MOSPD1: variants seen among roughly 807,000 people sequenced by gnomAD.
MOSPD1 encodes motile sperm domain-containing protein 1.
In MOSPD1, 5 loss-of-function variants were observed where a neutral mutation model predicts 16.7. That is an observed-to-expected ratio of 0.30 (90% CI 0.16 to 0.63). The LOEUF (loss-of-function observed/expected upper bound fraction) is 0.63, where lower values mean the gene tolerates loss of function less well. MOSPD1 is among the 30% of genes least tolerant of loss of function. MOSPD1 has a pLI of 0.82. For missense variants in MOSPD1, 104 were observed against 153.6 expected (o/e 0.68, Z 1.71); for synonymous variants, 67 against 59.2 (o/e 1.13, Z -0.61).
chrX:134,890,170 G>T (rs2082855617), intron 5 of MOSPD1, among the ~76,000 whole-genome samples: 1 of 110,361 alleles, frequency 9.1e-6, no homozygotes, highest in South Asian at 3.9e-4. Flanking sequence ...TAAGGGCCTG[G>T]AGAACCGGGC....
In MOSPD1 at chrX:134,895,629, CA is replaced by C. The variant is rs778064645; in HGVS notation, c.448+1187del. ...ATTTTAAAAAGGGAATCTTGCATTT[CA>C]TAACTATGTTAACTTTACAATATTG... is the stretch of plus-strand genomic sequence containing the variant. On this transcript the variant is annotated intron_variant, in intron 4 of 5. Coordinates refer to ENST00000370783, the MANE Select transcript of MOSPD1 (RefSeq NM_019556.3). Among the ~76,000 whole-genome samples the C allele has an allele frequency of 3.6e-5, 4 of 111,585 alleles. No individual in the cohort carries two copies. The East Asian group carries it at 8.6e-4, about 24-fold the overall frequency.
chrX:134,896,557 A>G (rs1185685125), intron 4 of MOSPD1, among the ~76,000 whole-genome samples: 2 of 111,678 alleles, frequency 1.8e-5, no homozygotes, highest in Non-Finnish European at 3.8e-5. Context: ...GTTTAAATAC[A>G]GATATATTTA....
chrX:134,910,271 G>A (rs1407822507), intron 1 of MOSPD1, among the ~76,000 whole-genome samples: 2 of 110,971 alleles, frequency 1.8e-5, no homozygotes, highest in African/African-American at 6.6e-5. Flanking sequence ...TGGGCATGGT[G>A]GCGGGCGCCT....
chrX:134,897,140 C>A, intron 3 of MOSPD1, 106 bp from the exon 4 acceptor site: 1 of 499,430 alleles, frequency 2.0e-6, no homozygotes, highest in Non-Finnish European at 3.2e-6. Context: ...TGACTACAAC[C>A]AAATACTCAA....
intron 1 of MOSPD1, among the ~76,000 whole-genome samples, chrX:134,908,261 A>G (rs750475509): frequency 3.6e-5 from 4 of 111,977 alleles, no homozygotes; most frequent in African/African-American, 6.5e-5. Flanking sequence ...ATGTCTACTA[A>G]TAACTGTCTC....
chrX:134,897,205 G>A (rs1336292826), intron 3 of MOSPD1, among the ~76,000 whole-genome samples, 171 bp from the exon 4 acceptor site: 1 of 111,323 alleles, frequency 9.0e-6, no homozygotes, highest in African/African-American at 3.3e-5. Context: ...AAAGAAATGA[G>A]TAATTCGGAA....
chrX:134,910,404 C>CA (rs778722230), intron 1 of MOSPD1, among the ~76,000 whole-genome samples: 376 of 97,552 alleles, frequency 3.9e-3, no homozygotes, highest in African/African-American at 0.011. Context: ...GACTCTGTCT[C>CA]AAAAAAAAAA....
At chrX:134,908,305 C>T (rs932695146) in intron 1 of MOSPD1, among the ~76,000 whole-genome samples, 4 of 111,725 alleles carry the variant, frequency 3.6e-5, no homozygotes, top group Non-Finnish European at 7.5e-5. Flanking sequence ...ACCACTCACC[C>T]GTCATAGCTG....
At chrX:134,892,304 C>T (rs775893954) in intron 4 of MOSPD1, among the ~76,000 whole-genome samples, 2 of 112,339 alleles carry the variant, frequency 1.8e-5, no homozygotes, top group Admixed American at 9.5e-5. Flanking sequence ...CTGGCAAATA[C>T]GCTAAGAGAA....
At chrX:134,889,497 T>C (rs1380166439) in intron 5 of MOSPD1, among the ~76,000 whole-genome samples, 2 of 112,156 alleles carry the variant, frequency 1.8e-5, no homozygotes, top group African/African-American at 3.2e-5. Context: ...ATGTGCCATT[T>C]TGAAGCATGG....
chrX:134,900,793 C>T (rs2082908129), intron 1 of MOSPD1, among the ~76,000 whole-genome samples: 1 of 109,831 alleles, frequency 9.1e-6, no homozygotes, highest in African/African-American at 3.3e-5. Flanking sequence ...GATTTGAACT[C>T]CTGGCCTCAA....
chrX:134,895,640 T>G (rs1184522410), intron 4 of MOSPD1, among the ~76,000 whole-genome samples: 1 of 111,869 alleles, frequency 8.9e-6, no homozygotes, highest in Non-Finnish European at 1.9e-5. Flanking sequence ...ATAACTATGT[T>G]AACTTTACAA....
At chrX:134,900,841 T>G (rs776651198) in intron 1 of MOSPD1, among the ~76,000 whole-genome samples, 1 of 110,734 alleles carries the variant, frequency 9.0e-6, no homozygotes, top group Non-Finnish European at 1.9e-5. Context: ...TAGCTGGGAC[T>G]GCAGGCGTGC....
intron 4 of MOSPD1, among the ~76,000 whole-genome samples, chrX:134,892,853 T>C (rs1345857467): frequency 9.0e-5 from 10 of 111,325 alleles, no homozygotes; most frequent in Non-Finnish European, 5.7e-5. Context: ...GACTGCACCA[T>C]TGTACTTCAG....
At position 134,896,964 on chromosome X, in the gene MOSPD1, C is replaced by T. The variant is rs768248065; in HGVS notation, c.301G>A (p.Glu101Lys). Reference sequence around the variant, plus strand: ...CCCAAAGCCTTCCTTTGGCTTTGCTCGGAAACTTGGAGACGGAATTTGTCT... The same window carrying T: ...CCCAAAGCCTTCCTTTGGCTTTGCTTGGAAACTTGGAGACGGAATTTGTCT... ...VIDKFRLQVS[E>K]QSQRKALGRK... The change falls in exon 4 of 6, where the codon GAG becomes AAG. Residue 101 changes from glutamate to lysine, a missense_variant. Glu to Lys is a moderately conservative substitution (Grantham distance 56). Around this residue, in one of 3 missense-constraint regions of MOSPD1, gnomAD observed 68 missense variants for 73.1 expected, o/e 0.93. Coordinates refer to ENST00000370783, the MANE Select transcript of MOSPD1 (RefSeq NM_019556.3). 30 of 1,208,667 alleles carry T rather than the reference C, an allele frequency of 2.5e-5. No homozygotes were observed. Among genetic ancestry groups the T allele is most frequent in the Middle Eastern group, 2.3e-4 (1 of 4,374 alleles).
intron 1 of MOSPD1, 134 bp from the exon 2 acceptor site, chrX:134,899,668 C>T (rs768333678): frequency 3.1e-4 from 86 of 273,247 alleles, no homozygotes; most frequent in South Asian, 1.5e-3. Context: ...GTAGCTCATG[C>T]CTGTAATCCC....
chrX:134,903,628 C>T (rs2082925251), intron 1 of MOSPD1, among the ~76,000 whole-genome samples: 1 of 99,508 alleles, frequency 1.0e-5, no homozygotes, highest in East Asian at 3.1e-4. Context: ...AGGAAAATCA[C>T]TGGAACCCGG....
At chrX:134,912,213 T>C (rs1188373359) in intron 1 of MOSPD1, among the ~76,000 whole-genome samples, 1 of 111,745 alleles carries the variant, frequency 8.9e-6, no homozygotes, top group Admixed American at 9.5e-5. Flanking sequence ...CACGCCTGCC[T>C]AATTTTGTAT....
At chrX:134,894,885 T>C (rs1031158221) in intron 4 of MOSPD1, among the ~76,000 whole-genome samples, 1 of 111,873 alleles carries the variant, frequency 8.9e-6, no homozygotes. Context: ...ATAAAATTAC[T>C]AGGAAAAGTG....
Sources: gnomAD v4.1 joint callset for allele counts (sites outside exome capture counted in the v4.1 genomes callset) on GRCh38, gnomAD v4.1.1 for gene constraint, gnomAD v4.1.1 regional missense constraint, MANE v1.5 for transcripts, NCBI Gene and HGNC (gene_info 2026-07-23, HGNC 2026-07-21) for gene names.